AIG1: variants seen among roughly 807,000 people sequenced by gnomAD.
The protein encoded by AIG1 is androgen induced 1.
AIG1 carries 23 observed loss-of-function variants against 31.4 expected under a neutral mutation model. The observed-to-expected ratio is 0.73, with a 90% CI of 0.53 to 1.04. AIG1 has a LOEUF of 1.04. Ranked by LOEUF, AIG1 falls within the 50% of genes least tolerant of loss-of-function variation. The pLI is 0.00. For missense variants in AIG1, 274 were observed against 295.0 expected, an observed-to-expected ratio of 0.93 and a Z score of 0.52; for synonymous variants, 100 against 110.5, an observed-to-expected ratio of 0.90 and a Z score of 0.60.
chr6:143,276,665 T>C (rs1226512202), intron 3 of AIG1, among the ~76,000 whole-genome samples: 1 of 151,962 alleles, frequency 6.6e-6, no homozygotes, highest in East Asian at 1.9e-4. Flanking sequence ...AAACAGAAAC[T>C]ATAGTGGCTG....
chr6:143,104,592 A>G (rs980993034), intron 1 of AIG1, among the ~76,000 whole-genome samples: 8 of 152,186 alleles, frequency 5.3e-5, no homozygotes, highest in African/African-American at 1.9e-4. Context: ...GTGCTGGATC[A>G]GAGAAAACAT....
In AIG1 at chr6:143,321,542, G is replaced by C. The variant is rs138454164; in HGVS notation, c.516-11740G>C. ...GAACCTGGGAGGCAAAGGTTGCAGT[G>C]AGCCGAGGTCACTTGTCCAGCCTGG... On this transcript the variant is annotated intron_variant, in intron 4 of 5. Transcript: ENST00000357847. Among the ~76,000 whole-genome samples, 7 of 152,030 alleles carry C rather than the reference G, an allele frequency of 4.6e-5. No individual in the cohort carries two copies. The East Asian group carries it at 1.4e-3, about 30-fold the overall frequency.
chr6:143,140,468 T>C (rs547361597), intron 2 of AIG1, among the ~76,000 whole-genome samples: 38 of 152,330 alleles, frequency 2.5e-4, no homozygotes, highest in Admixed American at 2.3e-3. Flanking sequence ...TGTACCTTTT[T>C]CCCTGTTCCC....
chr6:143,337,254 T>C (rs1777565588), intron 5 of AIG1, among the ~76,000 whole-genome samples: 1 of 152,150 alleles, frequency 6.6e-6, no homozygotes, highest in South Asian at 2.1e-4. Flanking sequence ...TCAAAAACCT[T>C]ATTGGCCTCC....
At chr6:143,113,042 A>G (rs1781422790) in intron 1 of AIG1, among the ~76,000 whole-genome samples, 2 of 152,038 alleles carry the variant, frequency 1.3e-5, no homozygotes, top group South Asian at 4.1e-4. Flanking sequence ...AATGTTGCTG[A>G]CTGGGCATGG....
chr6:143,243,540 G>T (rs1343066626), intron 3 of AIG1, among the ~76,000 whole-genome samples: 1 of 152,046 alleles, frequency 6.6e-6, no homozygotes, highest in Non-Finnish European at 1.5e-5. Flanking sequence ...ACTACAAAAT[G>T]CCCGGAATCT....
At chr6:143,289,521 T>A (rs1400499683) in intron 4 of AIG1, among the ~76,000 whole-genome samples, 1 of 152,174 alleles carries the variant, frequency 6.6e-6, no homozygotes, top group African/African-American at 2.4e-5. Flanking sequence ...TTCAGTTGGT[T>A]GAGAGGCTTA....
chr6:143,168,263 T>G, intron 3 of AIG1, among the ~76,000 whole-genome samples: 1 of 152,292 alleles, frequency 6.6e-6, no homozygotes, highest in Middle Eastern at 3.4e-3. Flanking sequence ...TTTTTTTAAT[T>G]TTTTAAATTA....
chr6:143,302,559 A>AT lies in AIG1; in HGVS notation c.515+18340dup, dbSNP rs1236671425. ...TCCCTACAAAGGACATGAACTCATC[A>AT]TTTTTTATGGCTGCATAGTATTCCA... On this transcript the variant is annotated intron_variant, in intron 4 of 5. Coordinates refer to ENST00000357847, the MANE Select transcript of AIG1 (RefSeq NM_016108.4). Among the ~76,000 whole-genome samples the AT allele has an allele frequency of 7.9e-5, 12 of 152,178 alleles. No homozygotes were observed. The South Asian group carries it at 1.9e-3, about 24-fold the overall frequency.
chr6:143,133,300 A>G (rs776287187), intron 1 of AIG1, among the ~76,000 whole-genome samples: 1 of 152,072 alleles, frequency 6.6e-6, no homozygotes, highest in East Asian at 1.9e-4. Flanking sequence ...TGTTAGTGCC[A>G]CTATTTAGGC....
chr6:143,307,521 G>C (rs1426150139), intron 4 of AIG1, among the ~76,000 whole-genome samples: 1 of 152,166 alleles, frequency 6.6e-6, no homozygotes. Flanking sequence ...GTGGATTTTC[G>C]TGAACCGCGA....
chr6:143,125,788 T>C (rs890923767), intron 1 of AIG1, among the ~76,000 whole-genome samples: 2 of 152,232 alleles, frequency 1.3e-5, no homozygotes, highest in African/African-American at 4.8e-5. Context: ...TAATGAATTA[T>C]GTTGACAAGC....
intron 3 of AIG1, among the ~76,000 whole-genome samples, chr6:143,229,236 A>G (rs1178734365): frequency 1.3e-5 from 2 of 152,226 alleles, no homozygotes; most frequent in African/African-American, 4.8e-5. Context: ...TCCAAAATGG[A>G]ATTGGTTTGG....
chr6:143,154,369 A>G (rs964167940), intron 2 of AIG1, among the ~76,000 whole-genome samples: 1 of 152,176 alleles, frequency 6.6e-6, no homozygotes, highest in African/African-American at 2.4e-5. Flanking sequence ...TTGCATGCAT[A>G]TAATAGTCTC....
intron 3 of AIG1, among the ~76,000 whole-genome samples, chr6:143,211,484 T>C (rs1791585420): frequency 6.6e-6 from 1 of 152,210 alleles, no homozygotes; most frequent in Admixed American, 6.5e-5. Context: ...TCCTAGTTTA[T>C]ACTCTGTACC....
At chr6:143,186,438 G>A (rs1474707811) in intron 3 of AIG1, among the ~76,000 whole-genome samples, 4 of 152,122 alleles carry the variant, frequency 2.6e-5, no homozygotes, top group South Asian at 2.1e-4. Flanking sequence ...TGGTGGAAAC[G>A]TTTCCCCTTT....
chr6:143,243,544 G>A (rs1019116683), intron 3 of AIG1, among the ~76,000 whole-genome samples: 3 of 152,078 alleles, frequency 2.0e-5, no homozygotes, highest in East Asian at 1.9e-4. Context: ...CAAAATGCCC[G>A]GAATCTTTTT....
rs1562568863 is a variant in AIG1, at chr6:143,298,913, G to T, written c.515+14688G>T. ...TATTGTGTTTTTTTTTCCCAAGGCT[G>T]TGACATCTGTCTGTGTTCTAAAGCC... On this transcript the variant is annotated intron_variant, in intron 4 of 5. Coordinates refer to ENST00000357847, the MANE Select transcript of AIG1 (RefSeq NM_016108.4). This position sits in a 1 kb window ranked among gnomAD's most constrained non-coding sequence, Gnocchi z 5.1. The T allele has an allele frequency of 6.6e-6, 1 of 152,114 alleles. No individual in the cohort carries two copies. 9.4% of individuals were successfully genotyped at this position (152,114 alleles called of 1,614,324 possible). A position where few individuals can be genotyped will look rare whatever the true frequency, so the allele number is the denominator to read the frequency against.
intron 3 of AIG1, among the ~76,000 whole-genome samples, chr6:143,178,344 A>G (rs1788382179): frequency 1.3e-5 from 2 of 152,144 alleles, no homozygotes; most frequent in Non-Finnish European, 2.9e-5. Context: ...CTCTGCTCTC[A>G]ACATGATGAT....
Sources: gnomAD v4.1 joint callset for allele counts (sites outside exome capture counted in the v4.1 genomes callset) on GRCh38, gnomAD v4.1.1 for gene constraint, Gnocchi (gnomAD v3.1) non-coding constraint, MANE v1.5 for transcripts, NCBI Gene and HGNC (gene_info 2026-07-23, HGNC 2026-07-21) for gene names.